The following GPATCH8 variants were observed in gnomAD, a reference collection of about 807,000 sequenced individuals.
GPATCH8 encodes the protein G-patch domain containing 8.
GPATCH8 carries 18 observed loss-of-function variants against 118.3 expected under a neutral mutation model. The ratio of observed to expected loss-of-function variants is 0.15; its 90% CI spans 0.11 to 0.23. The LOEUF is 0.23. GPATCH8 is among the 10% of genes least tolerant of loss of function. The probability of loss-of-function intolerance (pLI) is 1.00; values close to 1 mark genes in which losing one functional copy is unlikely to be tolerated. For synonymous variants in GPATCH8, 659 were observed against 684.7 expected (o/e 0.96, Z 0.59); for missense variants, 1,631 against 1,873.8 (o/e 0.87, Z 2.39).
At chr17:44,501,687 C>A (rs1229794257) in intron 1 of GPATCH8, among the ~76,000 whole-genome samples, 1 of 152,102 alleles carries the variant, frequency 6.6e-6, no homozygotes, top group Non-Finnish European at 1.5e-5. Context: ...TCATTAAAGG[C>A]CCTGAAAATC....
chr17:44,444,663 C>T (rs1438488307), intron 3 of GPATCH8, among the ~76,000 whole-genome samples: 1 of 152,108 alleles, frequency 6.6e-6, no homozygotes, highest in Non-Finnish European at 1.5e-5. Flanking sequence ...ATCCCAGCTA[C>T]TTGGGAGGCT....
At chr17:44,446,567 A>AG (rs1358732731) in intron 3 of GPATCH8, among the ~76,000 whole-genome samples, 149 of 152,170 alleles carry the variant, frequency 9.8e-4, no homozygotes, top group Middle Eastern at 3.4e-3. Context: ...CTCTGTCTTA[A>AG]AAATAAAGGA....
At chr17:44,460,364 T>C (rs2051498244) in intron 3 of GPATCH8, among the ~76,000 whole-genome samples, 1 of 152,156 alleles carries the variant, frequency 6.6e-6, no homozygotes, top group South Asian at 2.1e-4. Context: ...TTTTTTAAAA[T>C]TTCTGAAATA....
rs1967578255 is a variant in GPATCH8, at chr17:44,474,595, A to G, written c.120+234T>C. On this transcript the variant is annotated intron_variant, in intron 2 of 7. Transcript: ENST00000591680. ...CAAAGTATCGGTATGGGCCAAAAAG[A>G]TATTTTTCCATTGAAATTCTAATGT... The G allele has an allele frequency of 5.0e-5, 31 of 614,582 alleles. 2 individuals are homozygous for G. In the South Asian group the frequency reaches 5.4e-4, roughly 11 times the overall value. 38.1% of individuals were successfully genotyped at this position (614,582 alleles called of 1,614,324 possible).
intron 7 of GPATCH8, among the ~76,000 whole-genome samples, chr17:44,405,688 T>G (rs2049194288): frequency 6.6e-6 from 1 of 151,688 alleles, no homozygotes; most frequent in African/African-American, 2.4e-5. Flanking sequence ...GTATTTTTAG[T>G]AGAGATGGGG....
rs762215401 is a variant in GPATCH8, at chr17:44,395,962, CTT to C, written c.*1604_*1605del. 119 of 454,396 alleles carry C rather than the reference CTT, an allele frequency of 2.6e-4. No homozygotes were observed. The highest frequency in any genetic ancestry group is 1.8e-3 in the African/African-American group (90 of 50,110). The allele number at this position is 454,396 out of a possible 1,614,324, so 28.1% of individuals were successfully genotyped here. The stretch of plus-strand genomic sequence containing the variant: ...AAAAGAGGCTGAGGTGGTAATTCCT[CTT>C]GTCAGTGTCATGGGAGAAAAGAAAC... On this transcript the variant is annotated 3_prime_UTR_variant, in exon 8 of 8. Transcript: ENST00000591680.
chr17:44,478,468 T>C (rs1241828416), intron 1 of GPATCH8, among the ~76,000 whole-genome samples: 2 of 151,962 alleles, frequency 1.3e-5, no homozygotes, highest in East Asian at 1.9e-4. Flanking sequence ...TTGGGCAACA[T>C]AGCGAGCAAG....
chr17:44,427,955 T>C (rs1300977383), intron 5 of GPATCH8, among the ~76,000 whole-genome samples: 1 of 152,092 alleles, frequency 6.6e-6, no homozygotes, highest in Non-Finnish European at 1.5e-5. Flanking sequence ...ATCCATCCAT[T>C]TATTTCCCAC....
intron 2 of GPATCH8, among the ~76,000 whole-genome samples, chr17:44,468,373 C>CTTTTTTTTT (rs869068538): frequency 7.0e-5 from 7 of 100,016 alleles, no homozygotes; most frequent in Non-Finnish European, 9.1e-5. Context: ...TTCTTTGTTC[C>CTTTTTTTTT]TTTTTTTTTT....
At chr17:44,435,009 C>A (rs1260103260) in intron 5 of GPATCH8, 56 bp downstream of exon 5, 9 of 827,296 alleles carry the variant, frequency 1.1e-5, no homozygotes, top group Non-Finnish European at 1.7e-5. Flanking sequence ...AATTTGAGTT[C>A]TTTCTTATTC....
At chr17:44,405,650 G>A (rs1486198488) in intron 7 of GPATCH8, among the ~76,000 whole-genome samples, 2 of 151,524 alleles carry the variant, frequency 1.3e-5, no homozygotes, top group Non-Finnish European at 2.9e-5. Flanking sequence ...GACTACAGGC[G>A]CTCGCCACCA....
intron 2 of GPATCH8, among the ~76,000 whole-genome samples, chr17:44,468,590 T>C (rs1045332777): frequency 6.6e-6 from 1 of 151,680 alleles, no homozygotes; most frequent in Non-Finnish European, 1.5e-5. Context: ...TTAAAAATAA[T>C]TTTAAAAAAA....
intron 7 of GPATCH8, among the ~76,000 whole-genome samples, chr17:44,405,167 AGTTGTTATCT>A (rs1198592014): frequency 6.6e-6 from 1 of 152,016 alleles, no homozygotes; most frequent in African/African-American, 2.4e-5. Context: ...GAATATGTAC[AGTTGTTATCT>A]GTCAATTAAT....
intron 7 of GPATCH8, among the ~76,000 whole-genome samples, chr17:44,404,189 G>A (rs2049133755): frequency 6.6e-6 from 1 of 152,000 alleles, no homozygotes; most frequent in Non-Finnish European, 1.5e-5. Context: ...CCAGGCTGGA[G>A]TGCAGTGCTG....
intron 3 of GPATCH8, among the ~76,000 whole-genome samples, chr17:44,441,157 A>G (rs1186749453): frequency 6.6e-6 from 1 of 152,168 alleles, no homozygotes; most frequent in Admixed American, 6.5e-5. Flanking sequence ...CCAGGGAAAC[A>G]CTATTTTTAA....
chr17:44,410,700 G>GA (rs2049397831), intron 6 of GPATCH8, among the ~76,000 whole-genome samples: 1 of 152,164 alleles, frequency 6.6e-6, no homozygotes, highest in Non-Finnish European at 1.5e-5. Flanking sequence ...CTGTTTTCCT[G>GA]AAAAATCAAC....
chr17:44,399,786 C>G lies in GPATCH8; in HGVS notation c.2291G>C (p.Gly764Ala). 6.2e-7 allele frequency: 1 copy of G among 1,613,660 alleles called. No homozygotes were observed. Among genetic ancestry groups the G allele is most frequent in the Non-Finnish European group, 8.5e-7 (1 of 1,179,770 alleles). ...SQRRSLPAEE[G>A]SSGKKDEGGG... ...ACCTTCATCCTTTTTGCCACTGCTC[C>G]CCTCTTCAGCTGGGAGGGATCTCCG... The change falls in exon 8 of 8, where the codon GGG becomes GCG. Residue 764 changes from glycine to alanine, a missense_variant. Gly to Ala is a moderately conservative substitution (Grantham distance 60). Around this residue, in one of 8 missense-constraint regions of GPATCH8, gnomAD observed 922 missense variants for 879.7 expected, o/e 1.05. Transcript: ENST00000591680.
At chr17:44,414,358 G>A (rs1360636076) in intron 6 of GPATCH8, among the ~76,000 whole-genome samples, 1 of 151,608 alleles carries the variant, frequency 6.6e-6, no homozygotes, top group Non-Finnish European at 1.5e-5. Context: ...CTGCACTGGA[G>A]AGCAGTGGCA....
chr17:44,474,371 T>C (rs756842746), intron 2 of GPATCH8: 9 of 233,710 alleles, frequency 3.9e-5, no homozygotes, highest in Non-Finnish European at 5.9e-5. Flanking sequence ...TTCACAACAG[T>C]CTGGTAAATA....
Sources: gnomAD v4.1 joint callset for allele counts (sites outside exome capture counted in the v4.1 genomes callset) on GRCh38, gnomAD v4.1.1 for gene constraint, gnomAD v4.1.1 regional missense constraint, MANE v1.5 for transcripts, NCBI Gene and HGNC (gene_info 2026-07-23, HGNC 2026-07-21) for gene names.